The following KIF1B variants were observed in gnomAD, a reference collection of about 807,000 sequenced individuals.
The protein encoded by KIF1B is kinesin-like protein KIF1B.
Under a neutral mutation model 241.9 loss-of-function variants are expected in KIF1B, and 76 were observed. The observed-to-expected ratio is 0.31, with a 90% CI of 0.26 to 0.38. KIF1B has a LOEUF of 0.38. Among genes scored for constraint, KIF1B ranks in the 10% least tolerant of loss-of-function variants. The pLI, the probability that KIF1B is intolerant of heterozygous loss-of-function variation, is 1.00. For synonymous variants in KIF1B, 750 were observed against 796.7 expected (o/e 0.94, Z 0.99); for missense variants, 1,622 against 2,271.4 (o/e 0.71, Z 5.81).
At chr1:10,361,322 C>T (rs1259517295) in intron 39 of KIF1B, among the ~76,000 whole-genome samples, 1 of 152,132 alleles carries the variant, frequency 6.6e-6, no homozygotes, top group Non-Finnish European at 1.5e-5. Flanking sequence ...AAGAAAATGT[C>T]ACCTCTTGTT....
intron 2 of KIF1B, among the ~76,000 whole-genome samples, chr1:10,245,356 C>A (rs1337129688): frequency 1.3e-5 from 2 of 152,162 alleles, no homozygotes; most frequent in African/African-American, 4.8e-5. Flanking sequence ...TGTGGTTCAT[C>A]AGTAAACTAA....
At chr1:10,367,935 G>T (rs1231418322) in intron 43 of KIF1B, among the ~76,000 whole-genome samples, 2 of 151,764 alleles carry the variant, frequency 1.3e-5, no homozygotes, top group Admixed American at 1.3e-4. Context: ...CACCATGTTG[G>T]CCAGGATGAT....
At chr1:10,299,171 T>C (rs1175559652) in intron 22 of KIF1B, 1 of 151,790 alleles carries the variant, frequency 6.6e-6, no homozygotes, top group Non-Finnish European at 1.5e-5. Context: ...TGCCTGGTGC[T>C]ATCCATAACC....
intron 2 of KIF1B, among the ~76,000 whole-genome samples, chr1:10,243,482 G>A (rs1647166334): frequency 1.3e-5 from 2 of 152,182 alleles, no homozygotes; most frequent in Non-Finnish European, 2.9e-5. Flanking sequence ...AACAACAAAC[G>A]CTTAAGTTGT....
At chr1:10,300,237 AAATAATAATAATAAT>A (rs367822978) in intron 22 of KIF1B, among the ~76,000 whole-genome samples, 1 of 143,914 alleles carries the variant, frequency 6.9e-6, no homozygotes. Flanking sequence ...ACTCAGTGTC[AAATAATAATAATAAT>A]AATAATAATA....
At chr1:10,256,114 AT>A in intron 2 of KIF1B, 132 bp from the exon 3 acceptor site, 2 of 686,350 alleles carry the variant, frequency 2.9e-6, no homozygotes. Flanking sequence ...CAGCCTATTA[AT>A]TTTTGATTGC....
Position 10,360,957 on chromosome 1 carries a change from G to T in KIF1B, c.4084G>T (p.Asp1362Tyr). The T allele has an allele frequency of 6.2e-7, 1 of 1,613,922 alleles. No homozygotes were observed. The highest frequency in any genetic ancestry group is 2.2e-5 in the East Asian group (1 of 44,866). Residue 1362 changes from aspartate to tyrosine, a missense_variant, in exon 39 of 49, where the codon GAT becomes TAT. Around this residue, in one of 7 missense-constraint regions of KIF1B, gnomAD observed 803 missense variants for 1,112.0 expected, o/e 0.72. Transcript: ENST00000676179. The part of the protein sequence containing the change: ...RTFYRFEAVW[D>Y]SSLHNSLLLN... ...CTTCTACCGCTTTGAGGCTGTGTGG[G>T]ATAGCTCTCTGCATAACTCCCTTCT...
At position 10,378,866 on chromosome 1, in the gene KIF1B, T is replaced by TA. The variant is rs1638954918; in HGVS notation, c.*2280dup. On this transcript the variant is annotated 3_prime_UTR_variant, in exon 49 of 49. Coordinates refer to ENST00000676179, the MANE Select transcript of KIF1B (RefSeq NM_001365951.3). ...CCTGAAAAGTGACCCGCGGAAACTC[T>TA]ATGGCGGATTTTTTTTTTAACTTTC... is the stretch of plus-strand genomic sequence containing the variant. 4.2e-6 allele frequency: 1 copy of TA among 237,690 alleles called. No individual in the cohort carries two copies. The highest frequency in any genetic ancestry group is 5.4e-5 in the Admixed American group (1 of 18,420). 14.7% of individuals were successfully genotyped at this position (237,690 alleles called of 1,614,324 possible).
At chr1:10,321,390 C>CTATAATAG (rs1220672154) in intron 23 of KIF1B, among the ~76,000 whole-genome samples, 1 of 152,074 alleles carries the variant, frequency 6.6e-6, no homozygotes, top group African/African-American at 2.4e-5. Context: ...AGACGTGAGC[C>CTATAATAG]ACTGTGCCTA....
intron 5 of KIF1B, among the ~76,000 whole-genome samples, chr1:10,266,712 TACTG>T (rs1281497829): frequency 6.6e-6 from 1 of 152,218 alleles, no homozygotes; most frequent in African/African-American, 2.4e-5. Flanking sequence ...AAATCCCAGT[TACTG>T]ACAACAGTAT....
chr1:10,290,060 T>TA (rs1361439252), intron 15 of KIF1B, among the ~76,000 whole-genome samples: 3 of 152,118 alleles, frequency 2.0e-5, no homozygotes, highest in Non-Finnish European at 4.4e-5. Context: ...AATCATCACT[T>TA]ACTTCTCTCT....
In KIF1B at chr1:10,268,654, A is replaced by G. The variant is rs1648605474; in HGVS notation, c.720+391A>G. Among the ~76,000 whole-genome samples, 5 of 147,342 alleles carry G rather than the reference A, an allele frequency of 3.4e-5. No homozygotes were observed. The South Asian group carries it at 1.1e-3, about 31-fold the overall frequency. ...TTTTTTTTTTTTTTGAGCTATGATA[A>G]TGTTATAGTGGGATTAAATGTTTAA... On this transcript the variant is annotated intron_variant, in intron 7 of 48. Coordinates refer to ENST00000676179, the MANE Select transcript of KIF1B (RefSeq NM_001365951.3).
At chr1:10,271,416 C>A in intron 7 of KIF1B, 86 bp from the exon 8 acceptor site, 1 of 981,784 alleles carries the variant, frequency 1.0e-6, no homozygotes, top group Non-Finnish European at 1.7e-6. Flanking sequence ...ATACCTTAAT[C>A]TTTTAAAAAG....
chr1:10,307,124 C>T, intron 22 of KIF1B: 1 of 1,031,112 alleles, frequency 9.7e-7, no homozygotes, highest in East Asian at 6.1e-5. Context: ...TCACAGATGA[C>T]CAGGAAGAAA....
At chr1:10,255,388 G>A (rs1351340807) in intron 2 of KIF1B, among the ~76,000 whole-genome samples, 2 of 151,586 alleles carry the variant, frequency 1.3e-5, no homozygotes, top group Admixed American at 6.6e-5. Flanking sequence ...TCAGGAGTTC[G>A]AGACCAGCCT....
At chr1:10,289,504 C>A (rs1259578517) in intron 15 of KIF1B, among the ~76,000 whole-genome samples, 1 of 152,184 alleles carries the variant, frequency 6.6e-6, no homozygotes, top group Non-Finnish European at 1.5e-5. Context: ...ACCTACCCTT[C>A]CCCATGTGTT....
intron 22 of KIF1B, chr1:10,304,735 GTTC>G: frequency 6.4e-7 from 1 of 1,564,380 alleles, no homozygotes; most frequent in Non-Finnish European, 8.7e-7. Context: ...TTGGCCTTGA[GTTC>G]TTATTATTTA....
chr1:10,212,955 G>A (rs1367437882), intron 1 of KIF1B, among the ~76,000 whole-genome samples: 7 of 137,578 alleles, frequency 5.1e-5, no homozygotes. Flanking sequence ...TAAAAAATTT[G>A]GATAGCTTTT....
chr1:10,374,533 G>T lies in KIF1B; in HGVS notation c.5096+68G>T. The T allele has an allele frequency of 1.3e-6, 2 of 1,526,418 alleles. No homozygotes were observed. Among genetic ancestry groups the T allele is most frequent in the Non-Finnish European group, 1.8e-6 (2 of 1,102,182 alleles). 94.6% of individuals were successfully genotyped at this position (1,526,418 alleles called of 1,614,324 possible). On this transcript the variant is annotated intron_variant, in intron 46 of 48. Coordinates refer to ENST00000676179, the MANE Select transcript of KIF1B (RefSeq NM_001365951.3). This position sits in a 1 kb window ranked among gnomAD's most constrained non-coding sequence, Gnocchi z 4.3. ...ATCCACAGGAAGAAGTGACTGGCCA[G>T]CTCTTCCCTGTGAGGTCTGTACTGT...
Sources: gnomAD v4.1 joint callset for allele counts (sites outside exome capture counted in the v4.1 genomes callset) on GRCh38, gnomAD v4.1.1 for gene constraint, gnomAD v4.1.1 regional missense constraint, Gnocchi (gnomAD v3.1) non-coding constraint, MANE v1.5 for transcripts, NCBI Gene and HGNC (gene_info 2026-07-23, HGNC 2026-07-21) for gene names.